Variants in KCNQ1OT1 observed in about 807,000 individuals in gnomAD.
KCNQ1OT1 encodes the protein KCNQ1 antisense RNA 2 (non-protein coding).
chr11:2,655,678 C>G, exon 1 of KCNQ1OT1: 1 of 125,412 alleles, frequency 8.0e-6, no homozygotes, highest in Non-Finnish European at 1.7e-5. Flanking sequence ...TGAATCCCCA[C>G]CCACCCACCC....
rs750303369 is a variant in KCNQ1OT1, at chr11:2,658,095, C to G, written n.41900G>C. 3 of 398,422 alleles carry G rather than the reference C, an allele frequency of 7.5e-6. No individual in the cohort carries two copies. The highest frequency in any genetic ancestry group is 2.1e-5 in the African/African-American group (1 of 48,592). The allele number at this position is 398,422 out of a possible 1,614,324, so 24.7% of individuals were successfully genotyped here. ...GGAAGGGAGGGGTTCAACTCTACCT[C>G]CTGCAGGAGAGTATCAAAAAAAATC... On this transcript the variant is annotated non_coding_transcript_exon_variant, in exon 1 of 1. Transcript: ENST00000597346. This position sits in a 1 kb window ranked among gnomAD's most constrained non-coding sequence, Gnocchi z 4.9.
exon 1 of KCNQ1OT1, chr11:2,630,459 G>A (rs1849335059): frequency 2.5e-6 from 1 of 397,994 alleles, no homozygotes; most frequent in South Asian, 1.3e-4. Flanking sequence ...CTTTGTTTGG[G>A]GGGAATATTT....
exon 1 of KCNQ1OT1, chr11:2,688,839 T>C: frequency 2.5e-6 from 1 of 398,852 alleles, no homozygotes; most frequent in Non-Finnish European, 4.4e-6. Flanking sequence ...GAGATGGCAC[T>C]CCAGGTGGAG....
exon 1 of KCNQ1OT1, chr11:2,699,359 C>T: frequency 2.5e-6 from 1 of 399,316 alleles, no homozygotes; most frequent in East Asian, 3.6e-5. Flanking sequence ...CCGTCCCGCG[C>T]CGTCCGCCCA....
In KCNQ1OT1 at chr11:2,674,745, A is replaced by G. The variant is rs1260248775; in HGVS notation, n.25250T>C. 5.0e-6 allele frequency: 2 copies of G among 397,132 alleles called. No individual in the cohort carries two copies. Among genetic ancestry groups the G allele is most frequent in the Non-Finnish European group, 4.4e-6 (1 of 225,932 alleles). The allele number at this position is 397,132 out of a possible 1,614,324, so 24.6% of individuals were successfully genotyped here. On this transcript the variant is annotated non_coding_transcript_exon_variant, in exon 1 of 1. Transcript: ENST00000597346. The surrounding 1 kb of genome is among the most constrained non-coding windows in gnomAD (Gnocchi z 5.9). ...AACTTAACTCGTTAAAGTTGCTCCA[A>G]TCCCAGCCCAGTGCCAGACCAGCTT...
chr11:2,616,044 G>A, exon 1 of KCNQ1OT1: 1 of 397,850 alleles, frequency 2.5e-6, no homozygotes. Flanking sequence ...ACTTGTTATG[G>A]GTCTGCTCAT....
exon 1 of KCNQ1OT1, chr11:2,616,336 A>G: frequency 2.5e-6 from 1 of 397,968 alleles, no homozygotes. Flanking sequence ...TTTCAAAAAC[A>G]AGCAACTTTT....
rs1257396501 is a variant in KCNQ1OT1, at chr11:2,611,107, G to C, written n.88888C>G. On this transcript the variant is annotated non_coding_transcript_exon_variant, in exon 1 of 1. Coordinates refer to ENST00000597346, the Ensembl canonical transcript of KCNQ1OT1. This position sits in a 1 kb window ranked among gnomAD's most constrained non-coding sequence, Gnocchi z 5.3. The stretch of plus-strand genomic sequence containing the variant: ...AAATTTTTATTTCTTTATGACTTCT[G>C]TTTATGATTTCTATTTCTTCCTGTT... The C allele has an allele frequency of 2.5e-6, 1 of 398,218 alleles. No individual in the cohort carries two copies. The highest frequency in any genetic ancestry group is 2.1e-5 in the African/African-American group (1 of 48,560). 24.7% of individuals were successfully genotyped at this position (398,218 alleles called of 1,614,324 possible).
At position 2,679,846 on chromosome 11, in the gene KCNQ1OT1, C is replaced by T. The variant is rs561575329; in HGVS notation, n.20149G>A. On this transcript the variant is annotated non_coding_transcript_exon_variant, in exon 1 of 1. Transcript: ENST00000597346. The surrounding 1 kb of genome is among the most constrained non-coding windows in gnomAD (Gnocchi z 4.8). ...GCTGCTACTTCTGAATTTTATAGGA[C>T]ATGCATTTTTTTCATATAAACTTAG... The T allele has an allele frequency of 2.5e-6, 1 of 398,538 alleles. No homozygotes were observed. The highest frequency in any genetic ancestry group is 3.6e-5 in the East Asian group (1 of 28,072). The allele number at this position is 398,538 out of a possible 1,614,324, so 24.7% of individuals were successfully genotyped here.
At position 2,686,867 on chromosome 11, in the gene KCNQ1OT1, TTG is replaced by T. The variant is rs1850498241; in HGVS notation, n.13126_13127del. ...GTCCCCTCTGGCCAGAGGCCCTGGTTTGTGTCTGCCCAGTGACCAGCCTGAAG... is the reference window on the plus strand; with the variant it reads ...GTCCCCTCTGGCCAGAGGCCCTGGTTTGTCTGCCCAGTGACCAGCCTGAAG... On this transcript the variant is annotated non_coding_transcript_exon_variant, in exon 1 of 1. Transcript: ENST00000597346. 8 of 398,636 alleles carry T rather than the reference TTG, an allele frequency of 2.0e-5. No homozygotes were observed. In the South Asian group the frequency reaches 8.9e-4, roughly 44 times the overall value. 24.7% of individuals were successfully genotyped at this position (398,636 alleles called of 1,614,324 possible).
chr11:2,630,505 A>G lies in KCNQ1OT1; in HGVS notation n.69490T>C, dbSNP rs1849335786. 7.5e-6 allele frequency: 3 copies of G among 398,310 alleles called. No homozygotes were observed. The East Asian group carries it at 1.1e-4, about 14-fold the overall frequency. 24.7% of individuals were successfully genotyped at this position (398,310 alleles called of 1,614,324 possible). ...CTTCCCCCGCTACATTTTATTTTTG[A>G]TGCCCCAAGGTACACCTTTTAATAT... On this transcript the variant is annotated non_coding_transcript_exon_variant, in exon 1 of 1. Coordinates refer to ENST00000597346, the Ensembl canonical transcript of KCNQ1OT1.
exon 1 of KCNQ1OT1, chr11:2,649,690 T>G (rs1849728267): frequency 2.5e-6 from 1 of 398,490 alleles, no homozygotes; most frequent in Admixed American, 4.4e-5. Context: ...GTTGATTCCC[T>G]TATATGTGAC....
rs1849808560 is a variant in KCNQ1OT1 at position 2,654,567 on chromosome 11, A to T, written n.45428T>A. The stretch of plus-strand genomic sequence containing the variant: ...ACCTGGGAGATTAGGCCGGATTTTA[A>T]TCAATCAGGAGGGGAAGGGCAGGGG... On this transcript the variant is annotated non_coding_transcript_exon_variant, in exon 1 of 1. Coordinates refer to ENST00000597346, the Ensembl canonical transcript of KCNQ1OT1. This position sits in a 1 kb window ranked among gnomAD's most constrained non-coding sequence, Gnocchi z 6.4. The T allele has an allele frequency of 5.0e-6, 2 of 398,696 alleles. No homozygotes were observed. The highest frequency in any genetic ancestry group is 1.3e-4 in the South Asian group (1 of 7,858). 24.7% of individuals were successfully genotyped at this position (398,696 alleles called of 1,614,324 possible).
chr11:2,640,493 C>T, exon 1 of KCNQ1OT1: 1 of 398,174 alleles, frequency 2.5e-6, no homozygotes, highest in Non-Finnish European at 4.4e-6. Flanking sequence ...GCATTGTTGC[C>T]CAGGCTGGTC....
rs964870310 is a variant in KCNQ1OT1 at position 2,676,114 on chromosome 11, A to C, written n.23881T>G. 2.5e-6 allele frequency: 1 copy of C among 398,660 alleles called. No individual in the cohort carries two copies. 24.7% of individuals were successfully genotyped at this position (398,660 alleles called of 1,614,324 possible). A position where few individuals can be genotyped will look rare whatever the true frequency, so the allele number is the denominator to read the frequency against. On this transcript the variant is annotated non_coding_transcript_exon_variant, in exon 1 of 1. Transcript: ENST00000597346. This position sits in a 1 kb window ranked among gnomAD's most constrained non-coding sequence, Gnocchi z 4.2. The stretch of plus-strand genomic sequence containing the variant: ...CTGTGTGTGCATGTACTTAGTAGAT[A>C]CGGCTCCTTTTTATACAAATGGTAG...
rs1849695427 is a variant in KCNQ1OT1 at position 2,648,128 on chromosome 11, C to A, written n.51867G>T. 7.7e-6 allele frequency: 3 copies of A among 391,302 alleles called. No individual in the cohort carries two copies. In the East Asian group the frequency reaches 1.1e-4, roughly 14 times the overall value. The allele number at this position is 391,302 out of a possible 1,614,324, so 24.2% of individuals were successfully genotyped here. On this transcript the variant is annotated non_coding_transcript_exon_variant, in exon 1 of 1. Transcript: ENST00000597346. Reference sequence around the variant, plus strand: ...GCTGAGGCAGGAGGATTGCTTGAGCCCAGGAAGCAGAGGTTACAGTGAGCC... The same window carrying A: ...GCTGAGGCAGGAGGATTGCTTGAGCACAGGAAGCAGAGGTTACAGTGAGCC...
exon 1 of KCNQ1OT1, chr11:2,697,899 A>T (rs2133900104): frequency 2.5e-6 from 1 of 398,672 alleles, no homozygotes; most frequent in South Asian, 1.3e-4. Flanking sequence ...TGGAGCATAA[A>T]TCCTGAAACA....
At chr11:2,686,790 C>A in exon 1 of KCNQ1OT1, 1 of 398,698 alleles carries the variant, frequency 2.5e-6, no homozygotes, top group Non-Finnish European at 4.4e-6. Context: ...CTATGATGCA[C>A]AAGCAGCCCC....
exon 1 of KCNQ1OT1, chr11:2,696,053 G>A (rs1434580506): frequency 2.5e-6 from 1 of 398,482 alleles, no homozygotes; most frequent in Non-Finnish European, 4.4e-6. Flanking sequence ...GTATTATTAT[G>A]AAAACAGTCT....
Sources: gnomAD v4.1 joint callset for allele counts on GRCh38, gnomAD v4.1.1 for gene constraint, Gnocchi (gnomAD v3.1) non-coding constraint, MANE v1.5 for transcripts, NCBI Gene and HGNC (gene_info 2026-07-23, HGNC 2026-07-21) for gene names.